Variants in PRKCA observed in about 807,000 individuals in gnomAD.
PRKCA encodes protein kinase C alpha, also known as protein kinase C alpha type.
PRKCA carries 27 observed loss-of-function variants against 87.0 expected under a neutral mutation model. The ratio of observed to expected loss-of-function variants is 0.31; its 90% CI spans 0.23 to 0.43. The LOEUF (loss-of-function observed/expected upper bound fraction) is 0.43. Ranked by LOEUF, PRKCA falls within the 20% of genes least tolerant of loss-of-function variation. The probability of loss-of-function intolerance (pLI) is 1.00; values close to 1 mark genes in which losing one functional copy is unlikely to be tolerated. For missense variants in PRKCA, 518 were observed against 852.3 expected, an observed-to-expected ratio of 0.61 and a Z score of 4.88; for synonymous variants, 329 against 311.1, an observed-to-expected ratio of 1.06 and a Z score of -0.61.
chr17:66,368,667 C>T (rs1230620495), intron 2 of PRKCA, among the ~76,000 whole-genome samples: 2 of 151,980 alleles, frequency 1.3e-5, no homozygotes, highest in African/African-American at 2.4e-5. Flanking sequence ...GCTGAGATTA[C>T]AGGCATAAGC....
At chr17:66,731,735 A>G (rs1186395683) in intron 8 of PRKCA, among the ~76,000 whole-genome samples, 4 of 149,822 alleles carry the variant, frequency 2.7e-5, no homozygotes, top group African/African-American at 9.8e-5. Flanking sequence ...GGCAGTGACC[A>G]GATATTCTTC....
chr17:66,389,186 C>A (rs1910227293), intron 2 of PRKCA, among the ~76,000 whole-genome samples: 1 of 152,208 alleles, frequency 6.6e-6, no homozygotes, highest in Admixed American at 6.5e-5. Context: ...TCCTGCAACA[C>A]CCTTCACAAT....
At chr17:66,502,186 A>G (rs1431935421) in intron 3 of PRKCA, among the ~76,000 whole-genome samples, 1 of 152,042 alleles carries the variant, frequency 6.6e-6, no homozygotes, top group African/African-American at 2.4e-5. Flanking sequence ...GCATGGATGT[A>G]TTGATATGTA....
intron 8 of PRKCA, among the ~76,000 whole-genome samples, chr17:66,715,061 A>G (rs1460911757): frequency 6.6e-6 from 1 of 152,092 alleles, no homozygotes; most frequent in African/African-American, 2.4e-5. Context: ...GACATTTTAT[A>G]AAAATTTTCC....
At chr17:66,568,463 G>T (rs986069853) in intron 3 of PRKCA, among the ~76,000 whole-genome samples, 1 of 152,156 alleles carries the variant, frequency 6.6e-6, no homozygotes, top group Admixed American at 6.5e-5. Context: ...GAGTGCGGGT[G>T]CTGGGTCCTC....
chr17:66,573,981 A>T (rs1393685339), intron 3 of PRKCA, among the ~76,000 whole-genome samples: 5 of 152,150 alleles, frequency 3.3e-5, no homozygotes, highest in Admixed American at 6.5e-5. Context: ...TTATTTTAAA[A>T]TTTTTTATAT....
At chr17:66,712,579 G>T (rs987918716) in intron 8 of PRKCA, among the ~76,000 whole-genome samples, 1 of 152,090 alleles carries the variant, frequency 6.6e-6, no homozygotes, top group African/African-American at 2.4e-5. Flanking sequence ...GCTCCTCCTA[G>T]CTCTAATGAA....
chr17:66,341,188 A>G (rs1464745828), intron 2 of PRKCA, among the ~76,000 whole-genome samples: 1 of 152,132 alleles, frequency 6.6e-6, no homozygotes, highest in Admixed American at 6.5e-5. Context: ...CTAGCTTTCT[A>G]CTATTTAAAA....
chr17:66,546,801 GTGTTT>G (rs967012966), intron 3 of PRKCA, among the ~76,000 whole-genome samples: 12 of 152,058 alleles, frequency 7.9e-5, no homozygotes, highest in African/African-American at 2.9e-4. Flanking sequence ...TTACCTCTTC[GTGTTT>G]TGTTTTGTTT....
chr17:66,303,171 C>T, intron 1 of PRKCA, 147 bp downstream of exon 1: 4 of 1,124,718 alleles, frequency 3.6e-6, no homozygotes, highest in South Asian at 3.3e-5. Flanking sequence ...GAGTGACACG[C>T]GCGCCCGGCC....
At chr17:66,584,203 TTTTG>T (rs546007045) in intron 3 of PRKCA, among the ~76,000 whole-genome samples, 15 of 152,174 alleles carry the variant, frequency 9.9e-5, no homozygotes, top group African/African-American at 2.6e-4. Flanking sequence ...TTGTTTTGGT[TTTTG>T]TTTGTTTGTT....
At chr17:66,356,320 A>G (rs1908047703) in intron 2 of PRKCA, among the ~76,000 whole-genome samples, 1 of 152,074 alleles carries the variant, frequency 6.6e-6, no homozygotes, top group Non-Finnish European at 1.5e-5. Flanking sequence ...TTTTTAAAAG[A>G]CACCAACATT....
chr17:66,331,539 A>G (rs1906324912), intron 2 of PRKCA, among the ~76,000 whole-genome samples: 1 of 151,908 alleles, frequency 6.6e-6, no homozygotes, highest in Non-Finnish European at 1.5e-5. Context: ...CGGTACCGGG[A>G]CTCTCCTCTG....
At chr17:66,335,515 G>A (rs1376532956) in intron 2 of PRKCA, among the ~76,000 whole-genome samples, 1 of 151,694 alleles carries the variant, frequency 6.6e-6, no homozygotes, top group African/African-American at 2.4e-5. Flanking sequence ...GCAGAATGGT[G>A]TGAGCGTAGC....
intron 3 of PRKCA, among the ~76,000 whole-genome samples, chr17:66,621,175 C>G (rs2143693650): frequency 1.3e-5 from 2 of 152,294 alleles, no homozygotes; most frequent in South Asian, 4.1e-4. Context: ...AATGAGCTGT[C>G]CCAGTCAATG....
At chr17:66,314,565 C>A (rs1302487342) in intron 2 of PRKCA, among the ~76,000 whole-genome samples, 1 of 152,182 alleles carries the variant, frequency 6.6e-6, no homozygotes, top group Non-Finnish European at 1.5e-5. Context: ...TTAATGCCTT[C>A]TCTTGCTGTT....
chr17:66,578,679 G>T (rs1348122721), intron 3 of PRKCA, among the ~76,000 whole-genome samples: 1 of 152,146 alleles, frequency 6.6e-6, no homozygotes, highest in Non-Finnish European at 1.5e-5. Context: ...GCCCATGTTT[G>T]TCTTCCACAC....
At chr17:66,543,909 T>C (rs1032580376) in intron 3 of PRKCA, among the ~76,000 whole-genome samples, 2 of 152,104 alleles carry the variant, frequency 1.3e-5, no homozygotes, top group South Asian at 2.1e-4. Flanking sequence ...GCCCCATAAT[T>C]GTACAGAAAC....
intron 2 of PRKCA, among the ~76,000 whole-genome samples, chr17:66,418,440 CTTTTT>C (rs113526885): frequency 7.0e-6 from 1 of 142,244 alleles, no homozygotes; most frequent in African/African-American, 2.6e-5. Context: ...TTGTTTTAGC[CTTTTT>C]TTTTTTTTTG....
Sources: gnomAD v4.1 joint callset for allele counts (sites outside exome capture counted in the v4.1 genomes callset) on GRCh38, gnomAD v4.1.1 for gene constraint, MANE v1.5 for transcripts, NCBI Gene and HGNC (gene_info 2026-07-23, HGNC 2026-07-21) for gene names.